Variants in CIMIP2C observed in about 807,000 individuals in gnomAD.
CIMIP2C encodes the protein ciliary microtubule inner protein 2C, also known as UPF0573 protein C2orf70.
chr2:26,577,387 G>A, the CIMIP2C span: 2 of 811,458 alleles, frequency 2.5e-6, no homozygotes, highest in South Asian at 1.6e-5. Flanking sequence ...GCAACTCCGG[G>A]ACTCCTCCGG....
At chr2:26,566,687 GT>G in the CIMIP2C span, among the ~76,000 whole-genome samples, 2 of 152,168 alleles carry the variant, frequency 1.3e-5, no homozygotes, top group Non-Finnish European at 2.9e-5. Context: ...TAATTAGGAA[GT>G]GAGGAGTTTT....
At chr2:26,574,102 G>A in the CIMIP2C span, among the ~76,000 whole-genome samples, 1 of 152,254 alleles carries the variant, frequency 6.6e-6, no homozygotes, top group South Asian at 2.1e-4. Context: ...GACCCCAGAA[G>A]AGGTGAGAGT....
chr2:26,572,294 T>C, the CIMIP2C span: 3 of 789,980 alleles, frequency 3.8e-6, no homozygotes, highest in African/African-American at 5.4e-5. Context: ...TGCACTTCAA[T>C]AGATTTGAAG....
chr2:26,569,638 GA>G, the CIMIP2C span, among the ~76,000 whole-genome samples: 8 of 152,152 alleles, frequency 5.3e-5, no homozygotes, highest in Non-Finnish European at 1.2e-4. Flanking sequence ...AAGAGTCAGG[GA>G]AGGGACTGCT....
the CIMIP2C span, chr2:26,576,156 A>G: frequency 6.2e-7 from 1 of 1,613,686 alleles, no homozygotes; most frequent in Non-Finnish European, 8.5e-7. Flanking sequence ...CGCTCCACAG[A>G]GCTTACGAAT....
At chr2:26,570,600 G>A in the CIMIP2C span, among the ~76,000 whole-genome samples, 1 of 152,226 alleles carries the variant, frequency 6.6e-6, no homozygotes, top group African/African-American at 2.4e-5. Context: ...ATCCTTAGGA[G>A]TGGGTGGCAG....
At chr2:26,578,639 C>G in the CIMIP2C span, 1 of 408,858 alleles carries the variant, frequency 2.4e-6, no homozygotes. Flanking sequence ...TGGAATGGCT[C>G]TGAGCCAGTC....
At chr2:26,569,267 C>T in the CIMIP2C span, among the ~76,000 whole-genome samples, 235 of 152,198 alleles carry the variant, frequency 1.5e-3, 1 homozygote, top group African/African-American at 5.3e-3. Context: ...GTGGAGTTGC[C>T]AGAAGGATGT....
At chr2:26,572,420 A>G in the CIMIP2C span, among the ~76,000 whole-genome samples, 1 of 151,590 alleles carries the variant, frequency 6.6e-6, no homozygotes, top group South Asian at 2.1e-4. Context: ...ACTTTCAAGA[A>G]GAGCTTGTGG....
chr2:26,565,048 C>A, the CIMIP2C span, among the ~76,000 whole-genome samples: 1 of 151,682 alleles, frequency 6.6e-6, no homozygotes, highest in Non-Finnish European at 1.5e-5. Flanking sequence ...TCTCCTTCTC[C>A]TTCTCCTTCT....
the CIMIP2C span, among the ~76,000 whole-genome samples, chr2:26,571,161 T>C: frequency 6.6e-6 from 1 of 152,008 alleles, no homozygotes; most frequent in Non-Finnish European, 1.5e-5. Flanking sequence ...GTCATTGACA[T>C]ACGGGACATG....
the CIMIP2C span, among the ~76,000 whole-genome samples, chr2:26,569,807 G>A: frequency 6.6e-6 from 1 of 152,064 alleles, no homozygotes; most frequent in Admixed American, 6.5e-5. Flanking sequence ...GGGGAGGTGT[G>A]GTGGCACCAG....
At chr2:26,570,054 G>A in the CIMIP2C span, among the ~76,000 whole-genome samples, 1 of 152,216 alleles carries the variant, frequency 6.6e-6, no homozygotes, top group Non-Finnish European at 1.5e-5. Flanking sequence ...ATGTGTGCAA[G>A]TGTGTGAGTG....
the CIMIP2C span, among the ~76,000 whole-genome samples, chr2:26,567,757 G>C: frequency 6.6e-6 from 1 of 152,222 alleles, no homozygotes; most frequent in African/African-American, 2.4e-5. Flanking sequence ...GTTAGTATTA[G>C]AATCTCCTGG....
chr2:26,566,807 C>T, the CIMIP2C span, among the ~76,000 whole-genome samples: 3 of 152,166 alleles, frequency 2.0e-5, no homozygotes, highest in Non-Finnish European at 4.4e-5. Context: ...ATAGCCTTAA[C>T]CTCCTGGGCT....
the CIMIP2C span, among the ~76,000 whole-genome samples, chr2:26,577,135 C>G: frequency 6.6e-6 from 1 of 152,180 alleles, no homozygotes; most frequent in African/African-American, 2.4e-5. Flanking sequence ...GAACATGCCC[C>G]GTACAGTGGG....
the CIMIP2C span, among the ~76,000 whole-genome samples, chr2:26,569,369 C>A: frequency 6.6e-6 from 1 of 152,166 alleles, no homozygotes; most frequent in South Asian, 2.1e-4. Flanking sequence ...CACAGAGGCC[C>A]TGGCGCGGAG....
the CIMIP2C span, chr2:26,562,691 G>A: frequency 6.4e-7 from 1 of 1,564,792 alleles, no homozygotes; most frequent in Non-Finnish European, 8.7e-7. Context: ...GCCCGGGTAA[G>A]GCCGAGGGAG....
chr2:26,576,213 G>A, the CIMIP2C span: 7 of 1,580,008 alleles, frequency 4.4e-6, no homozygotes, highest in South Asian at 6.9e-5. Flanking sequence ...CTCCCCTCCT[G>A]CCCACCTGCC....
Sources: allele counts gnomAD v4.1 joint callset (sites outside exome capture counted in the v4.1 genomes callset), GRCh38; gene constraint gnomAD v4.1.1; transcripts MANE v1.5; gene names NCBI Gene and HGNC (gene_info 2026-07-23, HGNC 2026-07-21).